HTRA3: variants seen among roughly 807,000 people sequenced by gnomAD.
HTRA3 encodes the protein serine protease HTRA3.
HTRA3 carries 41 observed loss-of-function variants against 43.2 expected under a neutral mutation model. The observed-to-expected ratio is 0.95, with a 90% CI of 0.74 to 1.23. HTRA3 has a LOEUF of 1.23. Ranked by LOEUF, HTRA3 falls within the 50% of genes most tolerant of loss-of-function variation. The pLI, the probability that HTRA3 is intolerant of heterozygous loss-of-function variation, is 0.00. For synonymous variants in HTRA3, 295 were observed against 287.9 expected, an observed-to-expected ratio of 1.02 and a Z score of -0.25; for missense variants, 628 against 647.1, an observed-to-expected ratio of 0.97 and a Z score of 0.32.
At chr4:8,302,612 G>A in intron 7 of HTRA3, 101 bp downstream of exon 7, 2 of 1,149,972 alleles carry the variant, frequency 1.7e-6, no homozygotes, top group South Asian at 1.2e-5. Flanking sequence ...CTCCTTGCAG[G>A]TGCCCAGACG....
chr4:8,296,001 C>A lies in HTRA3; in HGVS notation c.1051+1800C>A. On this transcript the variant is annotated intron_variant, in intron 6 of 8. Transcript: ENST00000307358. This position sits in a 1 kb window ranked among gnomAD's most constrained non-coding sequence, Gnocchi z 5.3. ...CTTCTAGGAAGCTCAGAGCTAGATT[C>A]AGGGGTGCACCCAGACCTGTCCTAG... The A allele has an allele frequency of 1.7e-6, 2 of 1,187,006 alleles. No homozygotes were observed. The highest frequency in any genetic ancestry group is 2.1e-6 in the Non-Finnish European group (2 of 959,298). 73.5% of individuals were successfully genotyped at this position (1,187,006 alleles called of 1,614,324 possible). A position where few individuals can be genotyped will look rare whatever the true frequency, so the allele number is the denominator to read the frequency against.
Position 8,306,022 on chromosome 4 carries a change from A to G in HTRA3, c.1248A>G (p.Leu416=). The part of the protein sequence containing the change: ...DIIVKVNGRP[L]VDSSELQEAV... ...TCGTCAAGGTCAACGGGCGTCCTCT[A>G]GTGGACTCGAGTGAGCTGCAGGAGG... The change falls in exon 9 of 9, where the codon CTA becomes CTG. Residue 416 remains leucine, a synonymous_variant. Transcript: ENST00000307358. The surrounding 1 kb of genome is among the most constrained non-coding windows in gnomAD (Gnocchi z 8.9). The G allele has an allele frequency of 6.2e-7, 1 of 1,611,664 alleles. No individual in the cohort carries two copies. The highest frequency in any genetic ancestry group is 1.1e-5 in the South Asian group (1 of 90,934).
At chr4:8,283,980 G>C (rs961580858) in intron 2 of HTRA3, among the ~76,000 whole-genome samples, 1 of 152,204 alleles carries the variant, frequency 6.6e-6, no homozygotes, top group Non-Finnish European at 1.5e-5. Flanking sequence ...CCCATCCCGG[G>C]CTCTCCAGCA....
chr4:8,306,408 A>C lies in HTRA3; in HGVS notation c.*272A>C, dbSNP rs1318778664. The C allele has an allele frequency of 2.7e-6, 1 of 367,162 alleles. No homozygotes were observed. The highest frequency in any genetic ancestry group is 5.0e-6 in the Non-Finnish European group (1 of 201,958). 22.7% of individuals were successfully genotyped at this position (367,162 alleles called of 1,614,324 possible). ...ACTTCCAAGTTCTCCGGATATTCAC[A>C]AAACTGCCTTCCATGGAGGTCCCCT... is the stretch of plus-strand genomic sequence containing the variant. On this transcript the variant is annotated 3_prime_UTR_variant, in exon 9 of 9. Transcript: ENST00000307358. This position sits in a 1 kb window ranked among gnomAD's most constrained non-coding sequence, Gnocchi z 8.9.
At chr4:8,281,506 G>A (rs1712741030) in intron 1 of HTRA3, among the ~76,000 whole-genome samples, 1 of 152,220 alleles carries the variant, frequency 6.6e-6, no homozygotes, top group South Asian at 2.1e-4. Context: ...GAGAACGTAA[G>A]TAATCTGTCT....
At chr4:8,290,299 G>C (rs933366703) in intron 3 of HTRA3, among the ~76,000 whole-genome samples, 2 of 152,258 alleles carry the variant, frequency 1.3e-5, no homozygotes, top group South Asian at 4.1e-4. Context: ...GCTGCAAAGA[G>C]AAACTTTCTT....
rs146341288 is a variant in HTRA3 at position 8,306,862 on chromosome 4, G to C, written c.*726G>C. 2.0e-5 allele frequency: 3 copies of C among 152,674 alleles called. No individual in the cohort carries two copies. The South Asian group carries it at 6.2e-4, about 32-fold the overall frequency. The allele number at this position is 152,674 out of a possible 1,614,324, so 9.5% of individuals were successfully genotyped here. On this transcript the variant is annotated 3_prime_UTR_variant, in exon 9 of 9. Coordinates refer to ENST00000307358, the MANE Select transcript of HTRA3 (RefSeq NM_053044.5). This position sits in a 1 kb window ranked among gnomAD's most constrained non-coding sequence, Gnocchi z 8.9. Reference sequence around the variant, plus strand: ...GGGCAGCCTGCAGAGGACAGTGGACGTGGAGCTGCGGGGTGTGAGGACTGA... The same window carrying C: ...GGGCAGCCTGCAGAGGACAGTGGACCTGGAGCTGCGGGGTGTGAGGACTGA...
In HTRA3 at chr4:8,286,668, C is replaced by T; in HGVS notation, c.593C>T (p.Ala198Val). 1 of 1,614,184 alleles carries T rather than the reference C, an allele frequency of 6.2e-7. No homozygotes were observed. The highest frequency in any genetic ancestry group is 8.5e-7 in the Non-Finnish European group (1 of 1,180,018). The change falls in exon 3 of 9, where the codon GCT becomes GTT. Residue 198 changes from alanine to valine, a missense_variant. Physicochemically the swap from Ala to Val is moderately conservative, Grantham distance 64. Transcript: ENST00000307358. This position sits in a 1 kb window ranked among gnomAD's most constrained non-coding sequence, Gnocchi z 4.9. Reference protein sequence around the residue: ...TNAHVVSSNSAAPGRQQLKVQ... With the variant: ...TNAHVVSSNSVAPGRQQLKVQ... ...GCCCACGTGGTGTCCAGCAACAGTG[C>T]TGCCCCGGGCAGGCAGCAGCTCAAG... is the stretch of plus-strand genomic sequence containing the variant.
chr4:8,272,145 G>T (rs1049688064), intron 1 of HTRA3, among the ~76,000 whole-genome samples: 2 of 152,206 alleles, frequency 1.3e-5, no homozygotes, highest in Non-Finnish European at 2.9e-5. Context: ...GGGCTGCAGG[G>T]CTCAGGGCTG....
chr4:8,298,097 G>A (rs1210108979), intron 6 of HTRA3, among the ~76,000 whole-genome samples: 1 of 152,162 alleles, frequency 6.6e-6, no homozygotes. Flanking sequence ...CGCTGCCCTG[G>A]ACCGTTACCT....
Position 8,282,348 on chromosome 4 carries a change from C to T in HTRA3, c.386-89C>T. On this transcript the variant is annotated intron_variant, in intron 1 of 8. Transcript: ENST00000307358. ...ACTGGGACAGGGGTCTCAGGAAGAG[C>T]CTCCTCCTTCTGCCCACTGGGCATA... 4.9e-6 allele frequency: 5 copies of T among 1,012,906 alleles called. No individual in the cohort carries two copies. In the South Asian group the frequency reaches 7.0e-5, roughly 14 times the overall value. 62.7% of individuals were successfully genotyped at this position (1,012,906 alleles called of 1,614,324 possible).
intron 3 of HTRA3, 133 bp from the exon 4 acceptor site, chr4:8,291,237 C>T: frequency 1.3e-6 from 1 of 768,166 alleles, no homozygotes; most frequent in South Asian, 1.6e-5. Flanking sequence ...CTGCCTGAGC[C>T]TTCACAGTCC....
At chr4:8,282,290 A>AACGG in intron 1 of HTRA3, 147 bp from the exon 2 acceptor site, 2 of 655,144 alleles carry the variant, frequency 3.1e-6, no homozygotes, top group Non-Finnish European at 5.4e-6. Context: ...GGGGGTCCCC[A>AACGG]ACGGGCTCAG....
intron 1 of HTRA3, among the ~76,000 whole-genome samples, chr4:8,281,970 C>G (rs1216074686): frequency 6.6e-6 from 1 of 152,214 alleles, no homozygotes; most frequent in Non-Finnish European, 1.5e-5. Context: ...CGCCTGGACA[C>G]TGCTGTAGCC....
Position 8,296,287 on chromosome 4 carries a change from C to T in HTRA3, c.1051+2086C>T. The T allele has an allele frequency of 2.0e-6, 2 of 985,520 alleles. No homozygotes were observed. The highest frequency in any genetic ancestry group is 2.4e-6 in the Non-Finnish European group (2 of 830,016). 61.0% of individuals were successfully genotyped at this position (985,520 alleles called of 1,614,324 possible). On this transcript the variant is annotated intron_variant, in intron 6 of 8. Transcript: ENST00000307358. This position sits in a 1 kb window ranked among gnomAD's most constrained non-coding sequence, Gnocchi z 5.3. ...CTGTCCCAGTTAGTGCTGACCTCAT[C>T]CCAGAACCCCCTGGGAAATATCCCC...
chr4:8,278,731 C>T (rs954616570), intron 1 of HTRA3, among the ~76,000 whole-genome samples: 3 of 152,204 alleles, frequency 2.0e-5, no homozygotes, highest in Admixed American at 6.5e-5. Context: ...GTTGCCTAGA[C>T]CCTGAAATCC....
intron 3 of HTRA3, among the ~76,000 whole-genome samples, chr4:8,289,553 G>T (rs989893486): frequency 2.6e-5 from 4 of 152,352 alleles, no homozygotes; most frequent in Non-Finnish European, 1.5e-5. Flanking sequence ...TGGTATCCAG[G>T]TGGGCCTGAG....
intron 1 of HTRA3, among the ~76,000 whole-genome samples, chr4:8,271,621 G>A (rs1403512106): frequency 1.3e-5 from 2 of 152,214 alleles, no homozygotes; most frequent in African/African-American, 4.8e-5. Flanking sequence ...AGCTCTGGAG[G>A]CTGGAAAGTT....
At position 8,302,473 on chromosome 4, in the gene HTRA3, G is replaced by A; in HGVS notation, c.1062G>A (p.Lys354=). Residue 354 remains lysine (K), a synonymous_variant, in exon 7 of 9, where the codon AAG becomes AAA. Transcript: ENST00000307358. Reference sequence around the variant, plus strand: ...GTGTTTCATTTCCAGACTGGAAGAAGCGCTTCATCGGCATACGGATGCGGA... The same window carrying A: ...GTGTTTCATTTCCAGACTGGAAGAAACGCTTCATCGGCATACGGATGCGGA... ...FQDKQIKDWK[K]RFIGIRMRTI... 1 of 1,614,124 alleles carries A rather than the reference G, an allele frequency of 6.2e-7. No individual in the cohort carries two copies. The highest frequency in any genetic ancestry group is 8.5e-7 in the Non-Finnish European group (1 of 1,180,018).
Sources: gnomAD v4.1 joint callset for allele counts (sites outside exome capture counted in the v4.1 genomes callset) on GRCh38, gnomAD v4.1.1 for gene constraint, Gnocchi (gnomAD v3.1) non-coding constraint, MANE v1.5 for transcripts, NCBI Gene and HGNC (gene_info 2026-07-23, HGNC 2026-07-21) for gene names.